MLN: variants seen among roughly 807,000 people sequenced by gnomAD.
MLN encodes motilin, also known as promotilin.
Under a neutral mutation model 13.3 loss-of-function variants are expected in MLN, and 14 were observed. That is an observed-to-expected ratio of 1.05 (90% CI 0.69 to 1.64). The LOEUF is 1.64. MLN is among the 40% of genes most tolerant of loss of function. MLN has a pLI of 0.00. For missense variants in MLN, 122 were observed against 142.9 expected, an observed-to-expected ratio of 0.85 and a Z score of 0.75; for synonymous variants, 59 against 54.7, an observed-to-expected ratio of 1.08 and a Z score of -0.34.
rs931404256 is a variant in MLN, at chr6:33,803,709, C to T, written c.-8+244G>A. 6.6e-6 allele frequency among the ~76,000 whole-genome samples: 1 copy of T among 152,250 alleles called. No individual in the cohort carries two copies. Among genetic ancestry groups the T allele is most frequent in the Non-Finnish European group, 1.5e-5 (1 of 68,052 alleles). On this transcript the variant is annotated intron_variant, in intron 1 of 4. Transcript: ENST00000430124. The surrounding 1 kb of genome is among the most constrained non-coding windows in gnomAD (Gnocchi z 4.5). ...CGGCCCACCGTGGATGTGCCAGACC[C>T]ACCCACAACAGCCTCTGCTTTGCCA...
At chr6:33,797,770 C>T (rs1767959352) in intron 3 of MLN, among the ~76,000 whole-genome samples, 1 of 152,146 alleles carries the variant, frequency 6.6e-6, no homozygotes, top group Non-Finnish European at 1.5e-5. Context: ...CCTAAATCTG[C>T]CTTTGTCCGG....
At position 33,799,115 on chromosome 6, in the gene MLN, T is replaced by C. The variant is rs760655213; in HGVS notation, c.224A>G (p.Glu75Gly). The change falls in exon 3 of 5, where the codon GAA becomes GGA. Residue 75 changes from glutamate (E) to glycine (G), a missense_variant. Coordinates refer to ENST00000430124, the MANE Select transcript of MLN (RefSeq NM_002418.3). The surrounding 1 kb of genome is among the most constrained non-coding windows in gnomAD (Gnocchi z 4.6). ...PAEPIREEEN[E>G]MIKLTAPLEI... is the part of the protein sequence containing the mutation. ...CAGTTGTCTGCTCACCTTGATCATT[T>C]CGTTTTCTTCTTCCCTGATGGGCTC... 7 of 1,605,998 alleles carry C rather than the reference T, an allele frequency of 4.4e-6. No individual in the cohort carries two copies. The highest frequency in any genetic ancestry group is 4.3e-6 in the Non-Finnish European group (5 of 1,173,488).
Position 33,803,294 on chromosome 6 carries a change from C to A in MLN, c.-8+659G>T, listed in dbSNP as rs936216214. 2.7e-5 allele frequency among the ~76,000 whole-genome samples: 4 copies of A among 147,736 alleles called. No homozygotes were observed. The highest frequency in any genetic ancestry group is 2.2e-4 in the South Asian group (1 of 4,604). ...CCCTCGGGGTCAACTTTTTCTTTTC[C>A]TTTTCTTTTCTTCTTTTTTTTTTTT... On this transcript the variant is annotated intron_variant, in intron 1 of 4. Coordinates refer to ENST00000430124, the MANE Select transcript of MLN (RefSeq NM_002418.3). The surrounding 1 kb of genome is among the most constrained non-coding windows in gnomAD (Gnocchi z 4.5).
intron 2 of MLN, among the ~76,000 whole-genome samples, chr6:33,800,610 G>A (rs1051520389): frequency 6.6e-6 from 1 of 152,238 alleles, no homozygotes; most frequent in Non-Finnish European, 1.5e-5. Context: ...CTTAGCATCA[G>A]CACCACTGAT....
rs1582276626 is a variant in MLN, at chr6:33,799,299, C to T, written c.118-78G>A. On this transcript the variant is annotated intron_variant, in intron 2 of 4. Transcript: ENST00000430124. This position sits in a 1 kb window ranked among gnomAD's most constrained non-coding sequence, Gnocchi z 4.6. ...ATGGCCCCTTGCCTGTCTCCATCTG[C>T]CCAGGGTGCTGTCTGCCCTGAGCTC... 21 of 1,025,104 alleles carry T rather than the reference C, an allele frequency of 2.0e-5. No individual in the cohort carries two copies. Among genetic ancestry groups the T allele is most frequent in the Non-Finnish European group, 2.0e-5 (13 of 666,456 alleles). 63.5% of individuals were successfully genotyped at this position (1,025,104 alleles called of 1,614,324 possible). A position where few individuals can be genotyped will look rare whatever the true frequency, so the allele number is the denominator to read the frequency against.
Position 33,801,184 on chromosome 6 carries a change from A to G in MLN, c.-7-14T>C. 1 of 1,597,668 alleles carries G rather than the reference A, an allele frequency of 6.3e-7. No individual in the cohort carries two copies. The highest frequency in any genetic ancestry group is 8.6e-7 in the Non-Finnish European group (1 of 1,165,372). On this transcript the variant is annotated splice_polypyrimidine_tract_variant and intron_variant, in intron 1 of 4. Transcript: ENST00000430124. Reference sequence around the variant, plus strand: ...ACCATCTTGGAGCTGGACAATGACAAGGAGCTCTTGTCACTAAGTTTGGGG... The same window carrying G: ...ACCATCTTGGAGCTGGACAATGACAGGGAGCTCTTGTCACTAAGTTTGGGG...
At chr6:33,797,312 AC>A (rs1767948772) in intron 3 of MLN, among the ~76,000 whole-genome samples, 1 of 152,096 alleles carries the variant, frequency 6.6e-6, no homozygotes, top group Admixed American at 6.5e-5. Context: ...CAAATGGCTC[AC>A]CCAGGCCTAG....
chr6:33,795,908 C>T (rs550831974), intron 3 of MLN, among the ~76,000 whole-genome samples: 1 of 152,116 alleles, frequency 6.6e-6, no homozygotes, highest in Admixed American at 6.5e-5. Flanking sequence ...GGAATTCACT[C>T]CCACCTCAAC....
intron 4 of MLN, 45 bp from the exon 5 acceptor site, chr6:33,794,880 G>A: frequency 1.9e-6 from 3 of 1,609,380 alleles, no homozygotes; most frequent in Admixed American, 1.7e-5. Flanking sequence ...CATCAGGTCT[G>A]CTTATGAAAC....
At chr6:33,802,596 C>G (rs1760870918) in intron 1 of MLN, among the ~76,000 whole-genome samples, 1 of 152,204 alleles carries the variant, frequency 6.6e-6, no homozygotes, top group Non-Finnish European at 1.5e-5. Context: ...TTCCAGCTCT[C>G]TCTTCTTCCC....
intron 3 of MLN, among the ~76,000 whole-genome samples, chr6:33,798,844 C>G (rs1347076827): frequency 6.6e-6 from 1 of 152,190 alleles, no homozygotes; most frequent in African/African-American, 2.4e-5. Flanking sequence ...CCTGACCCGT[C>G]TCAGGGACAA....
intron 3 of MLN, among the ~76,000 whole-genome samples, chr6:33,797,383 C>A (rs1767951067): frequency 1.3e-5 from 2 of 152,222 alleles, no homozygotes; most frequent in African/African-American, 4.8e-5. Context: ...CCTCACCTCT[C>A]TTCTGAACTC....
Position 33,799,107 on chromosome 6 carries a change from T to C in MLN, c.232A>G (p.Lys78Glu). Residue 78 changes from lysine (K) to glutamate (E), a missense_variant and splice_region_variant, in exon 3 of 5, where the codon AAG becomes GAG. Coordinates refer to ENST00000430124, the MANE Select transcript of MLN (RefSeq NM_002418.3). This position sits in a 1 kb window ranked among gnomAD's most constrained non-coding sequence, Gnocchi z 4.6. ...CTTTGTCCCAGTTGTCTGCTCACCT[T>C]GATCATTTCGTTTTCTTCTTCCCTG... ...PIREEENEMI[K>E]LTAPLEIGMR... 6.2e-7 allele frequency: 1 copy of C among 1,601,192 alleles called. No homozygotes were observed. Among genetic ancestry groups the C allele is most frequent in the Non-Finnish European group, 8.6e-7 (1 of 1,169,172 alleles).
At chr6:33,797,217 G>A (rs1233015522) in intron 3 of MLN, among the ~76,000 whole-genome samples, 1 of 152,208 alleles carries the variant, frequency 6.6e-6, no homozygotes, top group Non-Finnish European at 1.5e-5. Flanking sequence ...CTGGATGTCA[G>A]TCTTCTCGCC....
chr6:33,795,407 C>G, intron 4 of MLN, 96 bp downstream of exon 4: 1 of 983,860 alleles, frequency 1.0e-6, no homozygotes, highest in East Asian at 2.6e-5. Flanking sequence ...GCAAAGCAGC[C>G]AAACAAATTG....
chr6:33,801,119 T>G lies in MLN; in HGVS notation c.45A>C (p.Val15=). Residue 15 remains valine, a synonymous_variant, in exon 2 of 5, where the codon GTA becomes GTC. Transcript: ENST00000430124. Reference sequence around the variant, plus strand: ...CCGTCTGGGAGGCCAGCATGGCAGCTACATGCACCACCAGCAGAGCAGCCA... The same window carrying G: ...CCGTCTGGGAGGCCAGCATGGCAGCGACATGCACCACCAGCAGAGCAGCCA... ...KAVAALLVVH[V]AAMLASQTEA... is the part of the protein sequence containing the mutation. 6.2e-7 allele frequency: 1 copy of G among 1,614,148 alleles called. No homozygotes were observed. The highest frequency in any genetic ancestry group is 1.3e-5 in the African/African-American group (1 of 75,066).
chr6:33,799,995 C>T lies in MLN; in HGVS notation c.118-774G>A, dbSNP rs577253059. 2.0e-5 allele frequency among the ~76,000 whole-genome samples: 3 copies of T among 152,206 alleles called. No individual in the cohort carries two copies. The highest frequency in any genetic ancestry group is 4.8e-5 in the African/African-American group (2 of 41,524). ...AGTCATCCTGTGGGGAGTGTGCTGGCGTGGAGGAAAGTGTGTTGGGGCCTG... is the reference window on the plus strand; with the variant it reads ...AGTCATCCTGTGGGGAGTGTGCTGGTGTGGAGGAAAGTGTGTTGGGGCCTG... On this transcript the variant is annotated intron_variant, in intron 2 of 4. Transcript: ENST00000430124. The surrounding 1 kb of genome is among the most constrained non-coding windows in gnomAD (Gnocchi z 4.6).
Position 33,801,090 on chromosome 6 carries a change from G to A in MLN, c.74C>T (p.Ala25Val), listed in dbSNP as rs146896135. Residue 25 changes from alanine to valine, a missense_variant, in exon 2 of 5, where the codon GCC becomes GTC. Coordinates refer to ENST00000430124, the MANE Select transcript of MLN (RefSeq NM_002418.3). ...VAAMLASQTE[A>V]FVPIFTYGEL... ...GCCATAGGTGAAGATGGGGACGAAG[G>A]CTTCCGTCTGGGAGGCCAGCATGGC... 1.2e-6 allele frequency: 2 copies of A among 1,614,122 alleles called. No individual in the cohort carries two copies. Among genetic ancestry groups the A allele is most frequent in the Non-Finnish European group, 1.7e-6 (2 of 1,179,996 alleles).
chr6:33,798,910 A>C (rs1263552940), intron 3 of MLN, among the ~76,000 whole-genome samples, 195 bp downstream of exon 3: 1 of 151,972 alleles, frequency 6.6e-6, no homozygotes, highest in Non-Finnish European at 1.5e-5. Context: ...TGGTGCCTGA[A>C]ATGGTTGATT....
Sources: allele counts gnomAD v4.1 joint callset (sites outside exome capture counted in the v4.1 genomes callset), GRCh38; gene constraint gnomAD v4.1.1; non-coding constraint Gnocchi (gnomAD v3.1); transcripts MANE v1.5; gene names NCBI Gene and HGNC (gene_info 2026-07-23, HGNC 2026-07-21).